NFIB: variants seen among roughly 807,000 people sequenced by gnomAD.
NFIB encodes nuclear factor 1 B-type.
In NFIB, 11 loss-of-function variants were observed where a neutral mutation model predicts 61.5. The ratio of observed to expected loss-of-function variants is 0.18; its 90% CI spans 0.11 to 0.30. The LOEUF (loss-of-function observed/expected upper bound fraction) is 0.30, where lower values mean the gene tolerates loss of function less well. NFIB is among the 10% of genes least tolerant of loss of function. The probability of loss-of-function intolerance (pLI) is 1.00; values close to 1 mark genes in which losing one functional copy is unlikely to be tolerated. For missense variants in NFIB, 471 were observed against 608.9 expected (o/e 0.77, Z 2.38); for synonymous variants, 260 against 216.5 (o/e 1.20, Z -1.76).
At chr9:14,154,429 G>A (rs1313782376) in intron 4 of NFIB, among the ~76,000 whole-genome samples, 2 of 152,100 alleles carry the variant, frequency 1.3e-5, no homozygotes, top group Non-Finnish European at 2.9e-5. Flanking sequence ...TGTCTTACCT[G>A]ATGCTACAAA....
chr9:14,395,905 G>A (rs1268768533), intron 1 of NFIB, among the ~76,000 whole-genome samples: 1 of 151,518 alleles, frequency 6.6e-6, no homozygotes, highest in African/African-American at 2.4e-5. Flanking sequence ...TGTGGGTGGG[G>A]GTGGGGATCG....
chr9:14,094,972 C>T (rs1045532783), intron 10 of NFIB, among the ~76,000 whole-genome samples: 11 of 151,804 alleles, frequency 7.2e-5, no homozygotes, highest in Admixed American at 7.2e-4. Context: ...AAAATAATAG[C>T]ATCTACCATT....
chr9:14,096,322 C>G (rs1393669920), intron 10 of NFIB: 1 of 152,190 alleles, frequency 6.6e-6, no homozygotes, highest in Non-Finnish European at 1.5e-5. Flanking sequence ...AAATCATCGA[C>G]AGGAAACGTA....
chr9:14,468,302 A>G, the NFIB span, among the ~76,000 whole-genome samples: 2 of 152,240 alleles, frequency 1.3e-5, no homozygotes, highest in Non-Finnish European at 2.9e-5. Context: ...AAATGCTTGT[A>G]AAATGCTAAT....
intron 2 of NFIB, among the ~76,000 whole-genome samples, chr9:14,193,174 C>T (rs2048135617): frequency 6.6e-6 from 1 of 150,704 alleles, no homozygotes; most frequent in Admixed American, 6.6e-5. Context: ...CTAAATATAT[C>T]TCTTCCAGGA....
the NFIB span, among the ~76,000 whole-genome samples, chr9:14,461,834 T>C: frequency 6.6e-6 from 1 of 152,236 alleles, no homozygotes; most frequent in African/African-American, 2.4e-5. Flanking sequence ...CTAGGATCAC[T>C]GGAGCAGGTA....
chr9:14,310,358 AT>A (rs1457080413), intron 1 of NFIB, among the ~76,000 whole-genome samples: 3 of 152,182 alleles, frequency 2.0e-5, no homozygotes, highest in African/African-American at 4.8e-5. Flanking sequence ...TGAAGCACTT[AT>A]TTGACAAGGG....
intron 2 of NFIB, among the ~76,000 whole-genome samples, chr9:14,216,492 TTCTCTCTCTCTCTCTCTC>T (rs993666009): frequency 2.7e-5 from 3 of 110,740 alleles, no homozygotes; most frequent in African/African-American, 7.4e-5. Flanking sequence ...TCTCCATTCT[TTCTCTCTCTCTCTCTCTC>T]TCTCTCTCTC....
the NFIB span, among the ~76,000 whole-genome samples, chr9:14,514,653 G>A: frequency 6.6e-6 from 1 of 152,100 alleles, no homozygotes; most frequent in Non-Finnish European, 1.5e-5. Flanking sequence ...CTTGAGAGAT[G>A]GCTGAATTGA....
In NFIB at chr9:14,084,885, A is replaced by T. The variant is rs1226926718; in HGVS notation, c.*3424T>A. ...ATTGATTTGAAATAAAAAAAGCAAC[A>T]CTTGAACTAGGCCTTTGTATTCAAG... is the stretch of plus-strand genomic sequence containing the variant. On this transcript the variant is annotated 3_prime_UTR_variant, in exon 11 of 11. Transcript: ENST00000380953. The T allele has an allele frequency of 4.3e-6, 1 of 230,578 alleles. No individual in the cohort carries two copies. The highest frequency in any genetic ancestry group is 8.6e-6 in the Non-Finnish European group (1 of 116,212). The allele number at this position is 230,578 out of a possible 1,614,324, so 14.3% of individuals were successfully genotyped here.
At chr9:14,299,535 G>A (rs949714054) in intron 2 of NFIB, among the ~76,000 whole-genome samples, 25 of 151,990 alleles carry the variant, frequency 1.6e-4, no homozygotes, top group African/African-American at 2.9e-4. Flanking sequence ...ATTTTATTTC[G>A]CACTTGTTTA....
intron 1 of NFIB, among the ~76,000 whole-genome samples, chr9:14,323,526 A>G (rs2060709777): frequency 6.6e-6 from 1 of 152,240 alleles, no homozygotes. Flanking sequence ...AGTAACCCAC[A>G]TACATTTAGA....
intron 1 of NFIB, among the ~76,000 whole-genome samples, chr9:14,356,674 C>T (rs1473938343): frequency 2.6e-5 from 4 of 152,100 alleles, no homozygotes; most frequent in South Asian, 2.1e-4. Flanking sequence ...TTAAGGGGTC[C>T]TCAGCTGGGG....
intron 1 of NFIB, among the ~76,000 whole-genome samples, chr9:14,311,821 A>G (rs1234540086): frequency 6.6e-6 from 1 of 152,206 alleles, no homozygotes; most frequent in Non-Finnish European, 1.5e-5. Context: ...TATACTCTGT[A>G]AGTGAAAATC....
chr9:14,302,743 C>A (rs543880403), intron 2 of NFIB, among the ~76,000 whole-genome samples: 1 of 152,034 alleles, frequency 6.6e-6, no homozygotes, highest in East Asian at 1.9e-4. Context: ...TCCCGCCCCC[C>A]GACTCCCACC....
intron 2 of NFIB, among the ~76,000 whole-genome samples, chr9:14,242,248 G>A (rs922289365): frequency 2.6e-5 from 4 of 152,154 alleles, no homozygotes; most frequent in African/African-American, 9.7e-5. Context: ...CCCACATATG[G>A]AAATATGCAT....
intron 7 of NFIB, among the ~76,000 whole-genome samples, chr9:14,124,910 T>C (rs950603974): frequency 2.0e-5 from 3 of 152,178 alleles, no homozygotes; most frequent in Admixed American, 1.3e-4. Flanking sequence ...TAAATATTGA[T>C]TTATATGTAG....
chr9:14,158,469 T>A (rs1209204847), intron 3 of NFIB, among the ~76,000 whole-genome samples: 3 of 152,234 alleles, frequency 2.0e-5, no homozygotes, highest in Non-Finnish European at 4.4e-5. Context: ...AGAGATCTGT[T>A]TTCAAGTCTT....
chr9:14,213,776 G>C (rs2050558788), intron 2 of NFIB, among the ~76,000 whole-genome samples: 1 of 152,130 alleles, frequency 6.6e-6, no homozygotes, highest in South Asian at 2.1e-4. Context: ...GGCCTTTCCT[G>C]ATACCCCAAG....
Sources: allele counts gnomAD v4.1 joint callset (sites outside exome capture counted in the v4.1 genomes callset), GRCh38; gene constraint gnomAD v4.1.1; transcripts MANE v1.5; gene names NCBI Gene and HGNC (gene_info 2026-07-23, HGNC 2026-07-21).